The following CHMP6 variants were observed in gnomAD, a reference collection of about 807,000 sequenced individuals.
CHMP6 encodes chromatin-modifying protein 6.
CHMP6 carries 10 observed loss-of-function variants against 32.8 expected under a neutral mutation model. That is an observed-to-expected ratio of 0.30 (90% CI 0.19 to 0.52). The LOEUF is 0.52. Ranked by LOEUF, CHMP6 falls within the 20% of genes least tolerant of loss-of-function variation. CHMP6 has a pLI of 0.97. For synonymous variants in CHMP6, 123 were observed against 105.8 expected, an observed-to-expected ratio of 1.16 and a Z score of -1.00; for missense variants, 269 against 263.8, an observed-to-expected ratio of 1.02 and a Z score of -0.14.
rs1022560583 is a variant in CHMP6, at chr17:80,999,403, C to G, written c.*250C>G. On this transcript the variant is annotated 3_prime_UTR_variant, in exon 8 of 8. Transcript: ENST00000325167. ...AACTCTCGACCGAGCCCAGCTTCTG[C>G]CGGTTGTGGGCTCCCCCGGTGGCCG... The G allele has an allele frequency of 1.4e-5, 7 of 490,910 alleles. No individual in the cohort carries two copies. Among genetic ancestry groups the G allele is most frequent in the African/African-American group, 1.2e-4 (6 of 50,962 alleles). The allele number at this position is 490,910 out of a possible 1,614,324, so 30.4% of individuals were successfully genotyped here. A position where few individuals can be genotyped will look rare whatever the true frequency, so the allele number is the denominator to read the frequency against.
At chr17:80,993,498 G>A (rs932991484) in intron 1 of CHMP6, among the ~76,000 whole-genome samples, 3 of 152,230 alleles carry the variant, frequency 2.0e-5, no homozygotes, top group African/African-American at 4.8e-5. Context: ...AACCGGGAAT[G>A]AGCCCTCTCA....
rs1598441169 is a variant in CHMP6, at chr17:80,999,887, T to A, written c.*734T>A. ...AGCCCCGGAAGTTTGTCCATGGGGG[T>A]CCCCGCGGCTGGGGCTCATGGAACT... is the stretch of plus-strand genomic sequence containing the variant. On this transcript the variant is annotated 3_prime_UTR_variant, in exon 8 of 8. Transcript: ENST00000325167. 6.6e-6 allele frequency: 1 copy of A among 151,124 alleles called. No homozygotes were observed. The highest frequency in any genetic ancestry group is 1.5e-5 in the Non-Finnish European group (1 of 67,830). 9.4% of individuals were successfully genotyped at this position (151,124 alleles called of 1,614,324 possible). A position where few individuals can be genotyped will look rare whatever the true frequency, so the allele number is the denominator to read the frequency against.
intron 6 of CHMP6, among the ~76,000 whole-genome samples, chr17:80,997,652 C>T (rs1308854550): frequency 5.9e-5 from 9 of 152,072 alleles, no homozygotes; most frequent in Non-Finnish European, 1.2e-4. Flanking sequence ...TGGCTGCTGA[C>T]TCACGTCCCA....
chr17:80,998,787 C>G (rs2069661221), intron 7 of CHMP6: 2 of 916,714 alleles, frequency 2.2e-6, no homozygotes, highest in South Asian at 1.8e-5. Context: ...AACCTGCCCA[C>G]TGGGAAGCTG....
At chr17:80,992,779 T>G (rs1355027525) in intron 1 of CHMP6, among the ~76,000 whole-genome samples, 1 of 152,248 alleles carries the variant, frequency 6.6e-6, no homozygotes, top group African/African-American at 2.4e-5. Flanking sequence ...TAGTCCATTT[T>G]TGTAACGAGA....
At chr17:80,995,639 C>T in intron 3 of CHMP6, 33 bp from the exon 4 acceptor site, 4 of 1,603,832 alleles carry the variant, frequency 2.5e-6, no homozygotes, top group South Asian at 1.1e-5. Context: ...CCCGGATCCT[C>T]AGCACCTGCG....
intron 6 of CHMP6, 43 bp downstream of exon 6, chr17:80,997,384 GGACCCCCAGA>G (rs1326316494): frequency 1.3e-6 from 2 of 1,563,326 alleles, no homozygotes; most frequent in East Asian, 4.6e-5. Flanking sequence ...TCAGGCAGCG[GGACCCCCAGA>G]GCTCAGACCC....
At chr17:80,995,139 G>C (rs909483188) in intron 3 of CHMP6, 33 bp downstream of exon 3, 7 of 1,573,534 alleles carry the variant, frequency 4.4e-6, no homozygotes, top group Non-Finnish European at 6.0e-6. Context: ...CTGGAGTGCA[G>C]GTGCAGCTGG....
At chr17:80,994,929 G>T in intron 2 of CHMP6, 90 bp from the exon 3 acceptor site, 1 of 634,094 alleles carries the variant, frequency 1.6e-6, no homozygotes, top group Non-Finnish European at 2.6e-6. Flanking sequence ...CGGCTGGGGT[G>T]GGGGGCCCGG....
intron 1 of CHMP6, 56 bp from the exon 2 acceptor site, chr17:80,994,525 G>A (rs542172143): frequency 2.9e-5 from 42 of 1,472,664 alleles, no homozygotes; most frequent in Non-Finnish European, 3.7e-5. Context: ...GCTCAGTAGC[G>A]TGGCCAGGGC....
rs1329035184 is a variant in CHMP6, at chr17:80,995,672, G to A, written c.262G>A (p.Val88Ile). ...ENQISSLEAMVQSIEFTQIEM... is the reference protein window; with the variant it reads ...ENQISSLEAMIQSIEFTQIEM... ...GCGTCTGCTCTGGTTTCCTTTTCAGGTTCAGAGTATTGAGTTCACCCAGAT... is the reference window on the plus strand; with the variant it reads ...GCGTCTGCTCTGGTTTCCTTTTCAGATTCAGAGTATTGAGTTCACCCAGAT... Residue 88 changes from valine (V) to isoleucine (I), a missense_variant and splice_region_variant, in exon 4 of 8, where the codon GTT becomes ATT. Physicochemically the swap from Val to Ile is conservative, Grantham distance 29 (BLOSUM62 3). Coordinates refer to ENST00000325167, the MANE Select transcript of CHMP6 (RefSeq NM_024591.5). The A allele has an allele frequency of 1.9e-6, 3 of 1,613,848 alleles. No individual in the cohort carries two copies. Among genetic ancestry groups the A allele is most frequent in the Non-Finnish European group, 2.5e-6 (3 of 1,179,852 alleles).
In CHMP6 at chr17:80,997,027, G is replaced by A. The variant is rs2069643577; in HGVS notation, c.369G>A (p.Val123=). The A allele has an allele frequency of 1.2e-6, 2 of 1,613,830 alleles. No homozygotes were observed. Among genetic ancestry groups the A allele is most frequent in the South Asian group, 1.1e-5 (1 of 91,062 alleles). ...KMHQVMSIEE[V]ERILDETQEA... ...CACAGGTGATGTCCATTGAAGAGGT[G>A]GAGAGGATCCTGGACGAGACGCAGG... The change falls in exon 5 of 8, where the codon GTG becomes GTA. Residue 123 remains valine, a synonymous_variant. Coordinates refer to ENST00000325167, the MANE Select transcript of CHMP6 (RefSeq NM_024591.5).
chr17:80,996,151 C>A (rs61481651), intron 4 of CHMP6, among the ~76,000 whole-genome samples: 4,332 of 152,158 alleles, frequency 0.028, 192 homozygotes, highest in African/African-American at 0.098. Flanking sequence ...GAAACCCTGT[C>A]TCTACTAATA....
intron 4 of CHMP6, among the ~76,000 whole-genome samples, chr17:80,996,658 C>G (rs1401803858): frequency 6.6e-6 from 1 of 152,234 alleles, no homozygotes; most frequent in Non-Finnish European, 1.5e-5. Flanking sequence ...TGAGAGCTGA[C>G]TCAGGGTGAG....
chr17:80,999,369 G>C lies in CHMP6; in HGVS notation c.*216G>C. 2 of 549,920 alleles carry C rather than the reference G, an allele frequency of 3.6e-6. No individual in the cohort carries two copies. The highest frequency in any genetic ancestry group is 6.3e-5 in the East Asian group (2 of 31,816). 34.1% of individuals were successfully genotyped at this position (549,920 alleles called of 1,614,324 possible). On this transcript the variant is annotated 3_prime_UTR_variant, in exon 8 of 8. Coordinates refer to ENST00000325167, the MANE Select transcript of CHMP6 (RefSeq NM_024591.5). ...CTCAGGCGCCACTGGCCTGCTCTCA[G>C]TCCGGATTAACTCTCGACCGAGCCC...
chr17:80,998,825 T>G (rs1333060479), intron 7 of CHMP6, among the ~76,000 whole-genome samples: 1 of 152,224 alleles, frequency 6.6e-6, no homozygotes, highest in Non-Finnish European at 1.5e-5. Flanking sequence ...CCACGTTTGT[T>G]CTGTTCCTTT....
intron 3 of CHMP6, 127 bp downstream of exon 3, chr17:80,995,233 A>T: frequency 1.1e-6 from 1 of 884,684 alleles, no homozygotes; most frequent in Non-Finnish European, 1.7e-6. Flanking sequence ...GCTGAAGCTG[A>T]CCTGAAGAGG....
chr17:80,994,485 AC>A, intron 1 of CHMP6, 95 bp from the exon 2 acceptor site: 1 of 1,114,782 alleles, frequency 9.0e-7, no homozygotes, highest in Non-Finnish European at 1.3e-6. Context: ...AAGGACACTC[AC>A]GGAGGGCCGC....
chr17:80,996,452 C>T (rs912368110), intron 4 of CHMP6, among the ~76,000 whole-genome samples: 4 of 152,168 alleles, frequency 2.6e-5, no homozygotes, highest in Non-Finnish European at 5.9e-5. Flanking sequence ...ACATGGGGGC[C>T]AGTAGGTGGG....
Sources: allele counts gnomAD v4.1 joint callset (sites outside exome capture counted in the v4.1 genomes callset), GRCh38; gene constraint gnomAD v4.1.1; transcripts MANE v1.5; gene names NCBI Gene and HGNC (gene_info 2026-07-23, HGNC 2026-07-21).